Variants in RXYLT1 observed in about 807,000 individuals in gnomAD.
The protein encoded by RXYLT1 is ribitol xylosyltransferase 1, also known as ribitol-5-phosphate xylosyltransferase 1.
In RXYLT1, 41 loss-of-function variants were observed where a neutral mutation model predicts 43.5. That is an observed-to-expected ratio of 0.94 (90% CI 0.73 to 1.22). The LOEUF (loss-of-function observed/expected upper bound fraction) is 1.22. RXYLT1 is among the 50% of genes most tolerant of loss of function. RXYLT1 has a pLI of 0.00. For synonymous variants in RXYLT1, 166 were observed against 194.4 expected (o/e 0.85, Z 1.21); for missense variants, 514 against 532.0 (o/e 0.97, Z 0.33).
At chr12:63,780,408 T>C in intron 1 of RXYLT1, 1 of 1,248,920 alleles carries the variant, frequency 8.0e-7, no homozygotes, top group Non-Finnish European at 1.0e-6. Context: ...AGACGTCGTC[T>C]CAAATGCCAG....
At chr12:63,790,835 C>T (rs1037022805) in intron 3 of RXYLT1, among the ~76,000 whole-genome samples, 2 of 152,142 alleles carry the variant, frequency 1.3e-5, no homozygotes, top group African/African-American at 4.8e-5. Context: ...TTTCAGTTTC[C>T]TCACATTTAA....
intron 3 of RXYLT1, among the ~76,000 whole-genome samples, chr12:63,787,838 G>C (rs543365516): frequency 6.6e-6 from 1 of 152,132 alleles, no homozygotes; most frequent in Non-Finnish European, 1.5e-5. Context: ...TGTTGGCCAG[G>C]TCTCCTGTCT....
rs541478722 is a variant in RXYLT1 at position 63,805,052 on chromosome 12, A to C, written c.744-182A>C. 6 of 451,146 alleles carry C rather than the reference A, an allele frequency of 1.3e-5. No homozygotes were observed. The East Asian group carries it at 1.8e-4, about 13-fold the overall frequency. 27.9% of individuals were successfully genotyped at this position (451,146 alleles called of 1,614,324 possible). ...GTAAGAGATGTCAGTGTGAAATTCA[A>C]TTTTTTTAAGTCAGTAGATTCAGGG... On this transcript the variant is annotated intron_variant, in intron 4 of 5. Transcript: ENST00000261234.
chr12:63,799,070 G>C (rs182306808), intron 3 of RXYLT1, among the ~76,000 whole-genome samples: 22 of 152,096 alleles, frequency 1.4e-4, no homozygotes, highest in African/African-American at 4.3e-4. Flanking sequence ...CCTTGGCTTC[G>C]CAGTATTGAC....
At chr12:63,788,290 C>T (rs1897850059) in intron 3 of RXYLT1, among the ~76,000 whole-genome samples, 1 of 152,146 alleles carries the variant, frequency 6.6e-6, no homozygotes. Context: ...TAAAGTCACC[C>T]AGCTACATTT....
chr12:63,781,160 G>A lies in RXYLT1; in HGVS notation c.311G>A (p.Gly104Asp). The A allele has an allele frequency of 6.4e-7, 1 of 1,567,660 alleles. No individual in the cohort carries two copies. The highest frequency in any genetic ancestry group is 1.2e-5 in the South Asian group (1 of 81,630). The change falls in exon 2 of 6, where the codon GGC (glycine) becomes GAC (aspartate). Residue 104 changes from glycine to aspartate, a missense_variant. By Grantham distance (94) the Gly-to-Asp change is moderately conservative. Transcript: ENST00000261234. The part of the protein sequence containing the change: ...GKTDLSVQIW[G>D]KAAIGLYLWE... ...ACAGATCTCAGTGTACAAATCTGGG[G>A]CAAAGCTGCCATTGGTAAGTTAATA...
At chr12:63,801,548 G>GA (rs1470587007) in intron 3 of RXYLT1, among the ~76,000 whole-genome samples, 1 of 152,132 alleles carries the variant, frequency 6.6e-6, no homozygotes, top group Non-Finnish European at 1.5e-5. Context: ...GGTCAGGCAT[G>GA]GTGGTTCATG....
At chr12:63,800,639 G>A (rs549492821) in intron 3 of RXYLT1, among the ~76,000 whole-genome samples, 92 of 152,222 alleles carry the variant, frequency 6.0e-4, no homozygotes, top group African/African-American at 2.1e-3. Context: ...AAAGAGAGTA[G>A]GCTGAGCACA....
At chr12:63,799,551 A>C (rs1464008432) in intron 3 of RXYLT1, among the ~76,000 whole-genome samples, 1 of 152,010 alleles carries the variant, frequency 6.6e-6, no homozygotes, top group Non-Finnish European at 1.5e-5. Flanking sequence ...TCAGTCAACT[A>C]AAGTGCTGGG....
chr12:63,780,996 A>C (rs372403386), intron 1 of RXYLT1, 23 bp from the exon 2 acceptor site: 5 of 1,532,512 alleles, frequency 3.3e-6, no homozygotes, highest in Non-Finnish European at 4.4e-6. Context: ...CTTACTGGTA[A>C]ACACTTACTC....
At chr12:63,804,078 C>G (rs1449617357) in intron 4 of RXYLT1, 1 of 152,200 alleles carries the variant, frequency 6.6e-6, no homozygotes, top group Non-Finnish European at 1.5e-5. Context: ...GTCTCAAATT[C>G]CTGACCTCAA....
chr12:63,807,628 G>A (rs1412450592), intron 5 of RXYLT1: 1 of 152,208 alleles, frequency 6.6e-6, no homozygotes, highest in African/African-American at 2.4e-5. Flanking sequence ...GCAGTGACAG[G>A]ATCTCGGCTC....
intron 5 of RXYLT1, chr12:63,806,313 G>A (rs1898290319): frequency 6.6e-6 from 1 of 152,190 alleles, no homozygotes; most frequent in Admixed American, 6.5e-5. Flanking sequence ...TTGTGTGTCA[G>A]AAGATGATAA....
intron 3 of RXYLT1, among the ~76,000 whole-genome samples, chr12:63,786,021 C>G (rs1897792511): frequency 6.6e-6 from 1 of 152,014 alleles, no homozygotes; most frequent in Non-Finnish European, 1.5e-5. Context: ...TTTTTCCTTT[C>G]ATCTTCATGC....
intron 2 of RXYLT1, 114 bp downstream of exon 2, chr12:63,781,288 A>G: frequency 8.6e-7 from 1 of 1,158,234 alleles, no homozygotes; most frequent in Non-Finnish European, 1.1e-6. Context: ...AGGCATCATG[A>G]TATATTTTTT....
In RXYLT1 at chr12:63,780,219, A is replaced by T. The variant is rs1018444589; in HGVS notation, c.169+90A>T. 11 of 1,391,458 alleles carry T rather than the reference A, an allele frequency of 7.9e-6. No homozygotes were observed. In the African/African-American group the frequency reaches 1.7e-4, roughly 21 times the overall value. 86.2% of individuals were successfully genotyped at this position (1,391,458 alleles called of 1,614,324 possible). On this transcript the variant is annotated intron_variant, in intron 1 of 5. Transcript: ENST00000261234. Reference sequence around the variant, plus strand: ...GGCCGGGTCCCCGCACCCGGCTCTCAAGTCCGGGATTACCCGCAGGGCCTG... The same window carrying T: ...GGCCGGGTCCCCGCACCCGGCTCTCTAGTCCGGGATTACCCGCAGGGCCTG...
In RXYLT1 at chr12:63,787,230, A is replaced by G. The variant is rs559100968; in HGVS notation, c.428+2158A>G. On this transcript the variant is annotated intron_variant, in intron 3 of 5. Transcript: ENST00000261234. ...ATGTTCACAACATTGTATCTTCACC[A>G]GAAGTAGATTCCATCTCAGGAAACC... Among the ~76,000 whole-genome samples the G allele has an allele frequency of 8.5e-5, 13 of 152,344 alleles. 1 individual carries two copies. The highest frequency in any genetic ancestry group is 2.9e-4 in the African/African-American group (12 of 41,582).
chr12:63,795,587 A>AG (rs1898014416), intron 3 of RXYLT1: 1 of 152,018 alleles, frequency 6.6e-6, no homozygotes, highest in East Asian at 1.9e-4. Context: ...CAAAAAAAAA[A>AG]AAAAAAAAGT....
At position 63,780,684 on chromosome 12, in the gene RXYLT1, G is replaced by T. The variant is rs111577591; in HGVS notation, c.170-335G>T. On this transcript the variant is annotated intron_variant, in intron 1 of 5. Coordinates refer to ENST00000261234, the MANE Select transcript of RXYLT1 (RefSeq NM_014254.3). ...TCAGTTTTTTGTGCATAGGTTACCT[G>T]TATACAATGGATAAAAATAATTGCA... Among the ~76,000 whole-genome samples, 1,032 of 152,274 alleles carry T rather than the reference G, an allele frequency of 6.8e-3. 17 individuals are homozygous for T. The highest frequency in any genetic ancestry group is 0.023 in the African/African-American group (952 of 41,552).
Sources: gnomAD v4.1 joint callset for allele counts (sites outside exome capture counted in the v4.1 genomes callset) on GRCh38, gnomAD v4.1.1 for gene constraint, MANE v1.5 for transcripts, NCBI Gene and HGNC (gene_info 2026-07-23, HGNC 2026-07-21) for gene names.